The following ACIN1 variants were observed in gnomAD, a reference collection of about 807,000 sequenced individuals.
The protein encoded by ACIN1 is apoptotic chromatin condensation inducer 1, also known as apoptotic chromatin condensation inducer in the nucleus.
Under a neutral mutation model 146.6 loss-of-function variants are expected in ACIN1, and 16 were observed. The observed-to-expected ratio is 0.11, with a 90% confidence interval of 0.07 to 0.17. The LOEUF (loss-of-function observed/expected upper bound fraction) is 0.17, where lower values mean the gene tolerates loss of function less well. Ranked by LOEUF, ACIN1 falls within the 10% of genes least tolerant of loss-of-function variation. ACIN1 has a pLI of 1.00. For synonymous variants in ACIN1, 569 were observed against 582.7 expected (o/e 0.98, Z 0.34); for missense variants, 1,357 against 1,609.3 (o/e 0.84, Z 2.68).
chr14:23,084,637 A>C (rs2048041891), intron 4 of ACIN1, among the ~76,000 whole-genome samples: 1 of 151,498 alleles, frequency 6.6e-6, no homozygotes, highest in Non-Finnish European at 1.5e-5. Flanking sequence ...AAAAAAACCC[A>C]AAATGAAACT....
chr14:23,062,405 C>T lies in ACIN1; in HGVS notation c.2991+11G>A, dbSNP rs760488848. 17 of 1,613,654 alleles carry T rather than the reference C, an allele frequency of 1.1e-5. No homozygotes were observed. Among genetic ancestry groups the T allele is most frequent in the Non-Finnish European group, 1.4e-5 (16 of 1,179,650 alleles). On this transcript the variant is annotated intron_variant, in intron 15 of 18. Transcript: ENST00000605057. ...ATGCCATGACCTATAGAATCAGCTT[C>T]TTCCCCTCACCGTTACAAAGCAATG...
upstream of ACIN1, chr14:23,095,326 C>T (rs2140270396): frequency 1.3e-6 from 2 of 1,557,392 alleles, no homozygotes; most frequent in Non-Finnish European, 1.7e-6. Context: ...TGCAGCGCCC[C>T]TTTTCTCGCC....
intron 4 of ACIN1, among the ~76,000 whole-genome samples, chr14:23,086,145 G>C (rs970448239): frequency 6.6e-6 from 1 of 152,098 alleles, no homozygotes; most frequent in Admixed American, 6.5e-5. Context: ...ATACAGACCT[G>C]GAAACAATGC....
chr14:23,083,075 G>T (rs1175066155), intron 4 of ACIN1, among the ~76,000 whole-genome samples: 1 of 150,990 alleles, frequency 6.6e-6, no homozygotes, highest in Non-Finnish European at 1.5e-5. Context: ...GAAAAAAAAA[G>T]TTCTATTAAA....
In ACIN1 at chr14:23,061,523, C is replaced by T; in HGVS notation, c.3199G>A (p.Val1067Ile). Residue 1067 changes from valine to isoleucine, a missense_variant, in exon 17 of 19, where the codon GTC becomes ATC. Coordinates refer to ENST00000605057, the MANE Select transcript of ACIN1 (RefSeq NM_001386863.1). ...GCCCGGGGGTGCTGTGGTGGCTGGACCGGGGGTGGGGGTGGGGGGTGCAGG... is the reference window on the plus strand; with the variant it reads ...GCCCGGGGGTGCTGTGGTGGCTGGATCGGGGGTGGGGGTGGGGGGTGCAGG... ...RPLHPPPPPPVQPPQHPRAEQ... is the reference protein window; with the variant it reads ...RPLHPPPPPPIQPPQHPRAEQ... 1 of 811,716 alleles carries T rather than the reference C, an allele frequency of 1.2e-6. No homozygotes were observed. Among genetic ancestry groups the T allele is most frequent in the Non-Finnish European group, 1.9e-6 (1 of 526,616 alleles). 50.3% of individuals were successfully genotyped at this position (811,716 alleles called of 1,614,324 possible).
At chr14:23,074,949 C>T (rs1456997723) in intron 8 of ACIN1, among the ~76,000 whole-genome samples, 1 of 151,940 alleles carries the variant, frequency 6.6e-6, no homozygotes, top group East Asian at 1.9e-4. Context: ...GACTAGATAC[C>T]CTCAGAAGCA....
rs2048332949 is a variant in ACIN1, at chr14:23,094,845, G to A, written c.138+130C>T. 1.3e-5 allele frequency: 17 copies of A among 1,345,698 alleles called. 1 individual carries two copies. In the South Asian group the frequency reaches 2.3e-4, roughly 18 times the overall value. The allele number at this position is 1,345,698 out of a possible 1,614,324, so 83.4% of individuals were successfully genotyped here. A position where few individuals can be genotyped will look rare whatever the true frequency, so the allele number is the denominator to read the frequency against. ...AACCTCATCAACCACCGTGCGCGCG[G>A]ATCCAGAGGCTCGCGCTGGCGGCCT... On this transcript the variant is annotated intron_variant, in intron 1 of 18. Coordinates refer to ENST00000605057, the MANE Select transcript of ACIN1 (RefSeq NM_001386863.1).
At position 23,095,062 on chromosome 14, in the gene ACIN1, C is replaced by T. The variant is rs773526268; in HGVS notation, c.51G>A (p.Leu17=). 1.9e-6 allele frequency: 3 copies of T among 1,614,052 alleles called. No homozygotes were observed. In the Admixed American group the frequency reaches 5.0e-5, roughly 27 times the overall value. The change falls in exon 1 of 19, where the codon CTG becomes CTA. Residue 17 remains leucine, a synonymous_variant. Coordinates refer to ENST00000605057, the MANE Select transcript of ACIN1 (RefSeq NM_001386863.1). ...VTLDGKPLQA[L]RVTDLKAALE... is the part of the protein sequence containing the mutation. ...GTGCGGCCTTCAGGTCGGTCACCCG[C>T]AGCGCCTGAAGAGGCTTCCCGTCCA...
Position 23,094,993 on chromosome 14 carries a change from C to A in ACIN1, c.120G>T (p.Leu40=), listed in dbSNP as rs1161570955. Residue 40 remains leucine, a synonymous_variant, in exon 1 of 19, where the codon CTG becomes CTT. Coordinates refer to ENST00000605057, the MANE Select transcript of ACIN1 (RefSeq NM_001386863.1). ...TCCTCACCCCTTTGAGCCGCTTGAC[C>A]AGGGCACTCTTCTGCCCGCTCTTGG... The part of the protein sequence containing the change: ...GLAKSGQKSA[L]VKRLKGALML... 1.2e-6 allele frequency: 2 copies of A among 1,605,616 alleles called. No homozygotes were observed. The highest frequency in any genetic ancestry group is 1.7e-6 in the Non-Finnish European group (2 of 1,179,378).
At position 23,067,031 on chromosome 14, in the gene ACIN1, C is replaced by T. The variant is rs1422393181; in HGVS notation, c.2266-1023G>A. On this transcript the variant is annotated intron_variant, in intron 9 of 18. Coordinates refer to ENST00000605057, the MANE Select transcript of ACIN1 (RefSeq NM_001386863.1). This position sits in a 1 kb window ranked among gnomAD's most constrained non-coding sequence, Gnocchi z 4.6. ...AATCCCTTTCCCATCCACCCCCACC[C>T]GCAGCCCCGTTTGTGTCGTCTAACC... is the stretch of plus-strand genomic sequence containing the variant. Among the ~76,000 whole-genome samples the T allele has an allele frequency of 6.6e-6, 1 of 152,020 alleles. No individual in the cohort carries two copies. Among genetic ancestry groups the T allele is most frequent in the African/African-American group, 2.4e-5 (1 of 41,386 alleles).
intron 10 of ACIN1, 66 bp downstream of exon 10, chr14:23,065,900 G>T (rs2047437761): frequency 6.9e-7 from 1 of 1,451,308 alleles, no homozygotes; most frequent in Non-Finnish European, 9.7e-7. Context: ...TGAAATTCTG[G>T]TTCTCAATGA....
chr14:23,086,966 T>C (rs1044660382), intron 4 of ACIN1, among the ~76,000 whole-genome samples: 11 of 152,316 alleles, frequency 7.2e-5, no homozygotes, highest in Admixed American at 5.9e-4. Context: ...AGGACTCCCA[T>C]TCCTTGAGAT....
rs565955478 is a variant in ACIN1, at chr14:23,070,111, A to T, written c.2124-494T>A. Among the ~76,000 whole-genome samples, 9 of 150,640 alleles carry T rather than the reference A, an allele frequency of 6.0e-5. No homozygotes were observed. The East Asian group carries it at 1.8e-3, about 30-fold the overall frequency. ...AGAATGGCCAAGGCTTTGGCAAAAAAGCCTGACCTGTGTTTAATCAACTGC... is the reference window on the plus strand; with the variant it reads ...AGAATGGCCAAGGCTTTGGCAAAAATGCCTGACCTGTGTTTAATCAACTGC... On this transcript the variant is annotated intron_variant, in intron 8 of 18. Coordinates refer to ENST00000605057, the MANE Select transcript of ACIN1 (RefSeq NM_001386863.1).
chr14:23,074,530 A>T (rs1238281294), intron 8 of ACIN1, among the ~76,000 whole-genome samples: 2 of 152,114 alleles, frequency 1.3e-5, no homozygotes, highest in South Asian at 2.1e-4. Context: ...GGGCCACTGC[A>T]CTCCAGCCTG....
intron 1 of ACIN1, chr14:23,094,668 C>T: frequency 1.3e-6 from 1 of 750,782 alleles, no homozygotes; most frequent in East Asian, 3.5e-5. Flanking sequence ...CCTTCTGCAG[C>T]GCATGCGCCG....
In ACIN1 at chr14:23,067,191, TAAAAG is replaced by T. The variant is rs946884121; in HGVS notation, c.2266-1188_2266-1184del. The T allele has an allele frequency of 1.7e-4, 116 of 680,652 alleles. No individual in the cohort carries two copies. The highest frequency in any genetic ancestry group is 1.5e-3 in the Middle Eastern group (2 of 1,328). 42.2% of individuals were successfully genotyped at this position (680,652 alleles called of 1,614,324 possible). ...GAAAAACATGAACCAAATAAATAAATAAAAGAAATCAGAAAAAATAAAGATATAGA... is the reference window on the plus strand; with the variant it reads ...GAAAAACATGAACCAAATAAATAAATAAATCAGAAAAAATAAAGATATAGA... On this transcript the variant is annotated intron_variant, in intron 9 of 18. Coordinates refer to ENST00000605057, the MANE Select transcript of ACIN1 (RefSeq NM_001386863.1). The surrounding 1 kb of genome is among the most constrained non-coding windows in gnomAD (Gnocchi z 4.6).
chr14:23,068,684 T>A lies in ACIN1; in HGVS notation c.2265+792A>T. Reference sequence around the variant, plus strand: ...CGTACATGAGGTACTTGGACAAAGTTTTACGGGGAAGAAGGACCTTGTAAT... The same window carrying A: ...CGTACATGAGGTACTTGGACAAAGTATTACGGGGAAGAAGGACCTTGTAAT... On this transcript the variant is annotated intron_variant, in intron 9 of 18. Coordinates refer to ENST00000605057, the MANE Select transcript of ACIN1 (RefSeq NM_001386863.1). This position sits in a 1 kb window ranked among gnomAD's most constrained non-coding sequence, Gnocchi z 4.3. 2.0e-6 allele frequency: 2 copies of A among 985,768 alleles called. No homozygotes were observed. Among genetic ancestry groups the A allele is most frequent in the African/African-American group, 3.5e-5 (2 of 57,328 alleles). 61.1% of individuals were successfully genotyped at this position (985,768 alleles called of 1,614,324 possible). A position where few individuals can be genotyped will look rare whatever the true frequency, so the allele number is the denominator to read the frequency against.
chr14:23,072,068 A>G (rs2047674448), intron 8 of ACIN1, among the ~76,000 whole-genome samples: 1 of 152,174 alleles, frequency 6.6e-6, no homozygotes, highest in East Asian at 1.9e-4. Context: ...TGCTGCAGGT[A>G]GGGAGGTGGG....
rs2140019020 is a variant in ACIN1 at position 23,064,413 on chromosome 14, G to A, written c.2384C>T (p.Ala795Val). 1.9e-6 allele frequency: 3 copies of A among 1,614,240 alleles called. No individual in the cohort carries two copies. The highest frequency in any genetic ancestry group is 2.5e-6 in the Non-Finnish European group (3 of 1,180,046). The change falls in exon 11 of 19, where the codon GCC (alanine) becomes GTC (valine). Residue 795 changes from alanine to valine, a missense_variant. Physicochemically the swap from Ala to Val is moderately conservative, Grantham distance 64 (BLOSUM62 0). Transcript: ENST00000605057. ...GQPGRKRRWGASTATTQKKPS... is the reference protein window; with the variant it reads ...GQPGRKRRWGVSTATTQKKPS... ...TTTCTTCTGTGTGGTGGCTGTGCTG[G>A]CTCCCCAGCGTCGTTTCCGACCAGG... is the stretch of plus-strand genomic sequence containing the variant.
Sources: allele counts gnomAD v4.1 joint callset (sites outside exome capture counted in the v4.1 genomes callset), GRCh38; gene constraint gnomAD v4.1.1; non-coding constraint Gnocchi (gnomAD v3.1); transcripts MANE v1.5; gene names NCBI Gene and HGNC (gene_info 2026-07-23, HGNC 2026-07-21).